TRPM8: variants seen among roughly 807,000 people sequenced by gnomAD.
The protein encoded by TRPM8 is TRPM8 cationic channel.
Under a neutral mutation model 133.7 loss-of-function variants are expected in TRPM8, and 110 were observed. The ratio of observed to expected loss-of-function variants is 0.82; its 90% CI spans 0.70 to 0.96. The LOEUF is 0.96. Among genes scored for constraint, TRPM8 ranks in the 40% least tolerant of loss-of-function variants. The pLI, the probability that TRPM8 is intolerant of heterozygous loss-of-function variation, is 0.00. For synonymous variants in TRPM8, 535 were observed against 532.3 expected, an observed-to-expected ratio of 1.01 and a Z score of -0.07; for missense variants, 1,291 against 1,379.5, an observed-to-expected ratio of 0.94 and a Z score of 1.02.
At chr2:233,959,856 A>G (rs1285336473) in intron 11 of TRPM8, among the ~76,000 whole-genome samples, 1 of 151,784 alleles carries the variant, frequency 6.6e-6, no homozygotes, top group African/African-American at 2.4e-5. Flanking sequence ...ATCTTGGCTC[A>G]CTGCAACTTC....
rs1691519765 is a variant in TRPM8 at position 233,964,638 on chromosome 2, G to A, written c.1760G>A (p.Cys587Tyr). 6.2e-7 allele frequency: 1 copy of A among 1,602,890 alleles called. No homozygotes were observed. Among genetic ancestry groups the A allele is most frequent in the Non-Finnish European group, 8.5e-7 (1 of 1,172,560 alleles). Residue 587 changes from cysteine to tyrosine, a missense_variant, in exon 14 of 26, where the codon TGC (cysteine) becomes TAC (tyrosine). Transcript: ENST00000324695. ...SKVIWEQTRGCTLAALGASKL... is the reference protein window; with the variant it reads ...SKVIWEQTRGYTLAALGASKL... ...CACCCCCCTAAAAAGACCAGGGGCT[G>A]CACTCTGGCAGCCCTGGGAGCCAGC... is the stretch of plus-strand genomic sequence containing the variant.
At chr2:233,955,062 C>A in intron 10 of TRPM8, 70 bp from the exon 11 acceptor site, 1 of 1,115,470 alleles carries the variant, frequency 9.0e-7, no homozygotes, top group Admixed American at 1.8e-5. Flanking sequence ...TGATAATTGG[C>A]CACACTGAAT....
chr2:233,998,624 G>A (rs576249664), intron 22 of TRPM8, among the ~76,000 whole-genome samples: 2 of 150,706 alleles, frequency 1.3e-5, no homozygotes, highest in East Asian at 2.0e-4. Context: ...AGAGTGAGCC[G>A]CTTGTGCCCA....
At chr2:233,937,259 A>G (rs897089065) in intron 3 of TRPM8, 94 bp from the exon 4 acceptor site, 1 of 1,443,954 alleles carries the variant, frequency 6.9e-7, no homozygotes, top group Admixed American at 2.0e-5. Context: ...ACTTGAAGGT[A>G]TCCTTTGTGT....
chr2:233,920,041 A>T (rs554985675), intron 1 of TRPM8, among the ~76,000 whole-genome samples: 13 of 152,318 alleles, frequency 8.5e-5, no homozygotes, highest in African/African-American at 2.6e-4. Flanking sequence ...GCACCTGGGA[A>T]CTTGCTAGAG....
chr2:233,990,957 C>A (rs1295317143), intron 21 of TRPM8, among the ~76,000 whole-genome samples: 1 of 152,080 alleles, frequency 6.6e-6, no homozygotes, highest in Non-Finnish European at 1.5e-5. Flanking sequence ...CATGGAGAGG[C>A]TATTTGCAGA....
chr2:234,014,651 C>A lies in TRPM8; in HGVS notation c.*39C>A. The A allele has an allele frequency of 8.8e-7, 1 of 1,136,776 alleles. No individual in the cohort carries two copies. The highest frequency in any genetic ancestry group is 1.3e-6 in the Non-Finnish European group (1 of 798,936). 70.4% of individuals were successfully genotyped at this position (1,136,776 alleles called of 1,614,324 possible). ...CTAATGGAGAAAAATCTAATTATAG[C>A]AAGGTGAGTCATTCTAATAGCTTTT... is the stretch of plus-strand genomic sequence containing the variant. On this transcript the variant is annotated 3_prime_UTR_variant, in exon 25 of 26. Coordinates refer to ENST00000324695, the MANE Select transcript of TRPM8 (RefSeq NM_024080.5).
chr2:233,937,799 G>A (rs1296623643), intron 4 of TRPM8, among the ~76,000 whole-genome samples: 1 of 152,136 alleles, frequency 6.6e-6, no homozygotes, highest in East Asian at 1.9e-4. Context: ...GCTACTGAGG[G>A]CCCCATGAAT....
chr2:234,011,834 G>GT (rs1221799716), intron 24 of TRPM8, among the ~76,000 whole-genome samples: 5 of 146,322 alleles, frequency 3.4e-5, no homozygotes, highest in African/African-American at 1.3e-4. Context: ...GGAGAATGGC[G>GT]TGAACCTGGG....
At chr2:233,986,696 A>T (rs1462082639) in intron 21 of TRPM8, among the ~76,000 whole-genome samples, 1 of 152,236 alleles carries the variant, frequency 6.6e-6, no homozygotes, top group Admixed American at 6.5e-5. Context: ...GTTTTATATA[A>T]TTGATAAATT....
intron 1 of TRPM8, among the ~76,000 whole-genome samples, chr2:233,918,539 G>C (rs1476866563): frequency 6.6e-6 from 1 of 152,086 alleles, no homozygotes; most frequent in Non-Finnish European, 1.5e-5. Flanking sequence ...ATCACCTGCT[G>C]CCTGTATCTA....
chr2:233,995,147 C>T (rs1295166878), intron 21 of TRPM8, among the ~76,000 whole-genome samples: 1 of 152,192 alleles, frequency 6.6e-6, no homozygotes, highest in Admixed American at 6.5e-5. Flanking sequence ...CACTTCCTAA[C>T]TGGAGGACTC....
intron 21 of TRPM8, among the ~76,000 whole-genome samples, chr2:233,992,761 G>A (rs1220995628): frequency 6.6e-6 from 1 of 152,188 alleles, no homozygotes; most frequent in Non-Finnish European, 1.5e-5. Context: ...GGTTGTCAAG[G>A]AGACTTTAAG....
intron 17 of TRPM8, among the ~76,000 whole-genome samples, chr2:233,971,336 C>CT (rs745743879): frequency 6.6e-6 from 1 of 152,048 alleles, no homozygotes; most frequent in Admixed American, 6.6e-5. Context: ...CTCTGACAGA[C>CT]TTTTTTTAGT....
At chr2:233,997,419 C>T (rs539273452) in intron 22 of TRPM8, among the ~76,000 whole-genome samples, 100 of 152,292 alleles carry the variant, frequency 6.6e-4, no homozygotes, top group Non-Finnish European at 1.1e-3. Flanking sequence ...GCTGTTCCCT[C>T]TCTTTGCTCC....
rs1367904953 is a variant in TRPM8, at chr2:233,989,876, G to A, written c.2939+4011G>A. On this transcript the variant is annotated intron_variant, in intron 21 of 25. Coordinates refer to ENST00000324695, the MANE Select transcript of TRPM8 (RefSeq NM_024080.5). This position sits in a 1 kb window ranked among gnomAD's most constrained non-coding sequence, Gnocchi z 4.2. ...AAATGACTCCAGGTCGACTTACCAG[G>A]AGCTAGGGCATTTATAAGCATTGTG... Among the ~76,000 whole-genome samples, 1 of 152,180 alleles carries A rather than the reference G, an allele frequency of 6.6e-6. No homozygotes were observed. The highest frequency in any genetic ancestry group is 1.5e-5 in the Non-Finnish European group (1 of 68,020).
At chr2:233,955,308 A>C in intron 11 of TRPM8, 58 bp downstream of exon 11, 2 of 1,285,704 alleles carry the variant, frequency 1.6e-6, no homozygotes, top group Admixed American at 3.5e-5. Context: ...TGGTCTGGGC[A>C]ATGTCTGATC....
chr2:234,008,640 A>C (rs905559640), intron 24 of TRPM8, among the ~76,000 whole-genome samples: 1 of 152,196 alleles, frequency 6.6e-6, no homozygotes, highest in Non-Finnish European at 1.5e-5. Context: ...CTAGGCTCTG[A>C]AGAGGAGATG....
intron 22 of TRPM8, among the ~76,000 whole-genome samples, chr2:234,005,626 C>T (rs983998986): frequency 1.5e-4 from 23 of 152,154 alleles, no homozygotes; most frequent in African/African-American, 3.4e-4. Flanking sequence ...TTGCTTAAAT[C>T]GAGGCTGGGC....
Sources: gnomAD v4.1 joint callset for allele counts (sites outside exome capture counted in the v4.1 genomes callset) on GRCh38, gnomAD v4.1.1 for gene constraint, Gnocchi (gnomAD v3.1) non-coding constraint, MANE v1.5 for transcripts, NCBI Gene and HGNC (gene_info 2026-07-23, HGNC 2026-07-21) for gene names.